LINGO2: variants seen among roughly 807,000 people sequenced by gnomAD.
The protein encoded by LINGO2 is leucine-rich repeat and immunoglobulin-like domain-containing nogo receptor-interacting protein 2.
Under a neutral mutation model 30.6 loss-of-function variants are expected in LINGO2, and 14 were observed. The ratio of observed to expected loss-of-function variants is 0.46; its 90% CI spans 0.30 to 0.72. The LOEUF (loss-of-function observed/expected upper bound fraction) is 0.72. Ranked by LOEUF, LINGO2 falls within the 30% of genes least tolerant of loss-of-function variation. The pLI, the probability that LINGO2 is intolerant of heterozygous loss-of-function variation, is 0.07. For missense variants in LINGO2, 729 were observed against 751.7 expected (o/e 0.97, Z 0.35); for synonymous variants, 317 against 288.5 (o/e 1.10, Z -1.00).
intron 5 of LINGO2, among the ~76,000 whole-genome samples, chr9:27,970,541 C>CAG (rs1431093233): frequency 6.6e-6 from 1 of 152,112 alleles, no homozygotes; most frequent in Non-Finnish European, 1.5e-5. Context: ...AAGACTGTTA[C>CAG]AGTAAGGGGT....
chr9:28,058,587 A>T (rs1825036133), intron 4 of LINGO2, among the ~76,000 whole-genome samples: 1 of 152,194 alleles, frequency 6.6e-6, no homozygotes, highest in South Asian at 2.1e-4. Flanking sequence ...CAGTTTGAAG[A>T]TAAAGCAAAA....
intron 4 of LINGO2, among the ~76,000 whole-genome samples, chr9:28,085,193 T>C (rs1438920801): frequency 6.6e-6 from 1 of 152,114 alleles, no homozygotes; most frequent in Non-Finnish European, 1.5e-5. Context: ...TTAGACTATA[T>C]TCTACAATGT....
intron 4 of LINGO2, among the ~76,000 whole-genome samples, chr9:28,146,239 T>G (rs1386169238): frequency 6.6e-6 from 1 of 152,178 alleles, no homozygotes; most frequent in Non-Finnish European, 1.5e-5. Context: ...GCTTGAATAG[T>G]CAACTGAGTT....
At chr9:28,609,882 T>C (rs549546133) in intron 1 of LINGO2, among the ~76,000 whole-genome samples, 27 of 152,290 alleles carry the variant, frequency 1.8e-4, no homozygotes, top group African/African-American at 6.5e-4. Context: ...AAGCAAAATA[T>C]GTCTGCATAA....
chr9:28,683,435 T>G, the LINGO2 span, among the ~76,000 whole-genome samples: 1 of 152,122 alleles, frequency 6.6e-6, no homozygotes, highest in Non-Finnish European at 1.5e-5. Flanking sequence ...TTTTCACAAT[T>G]TGGCACAAAT....
chr9:28,290,528 A>G (rs1249624933), intron 4 of LINGO2, among the ~76,000 whole-genome samples: 1 of 152,204 alleles, frequency 6.6e-6, no homozygotes, highest in Non-Finnish European at 1.5e-5. Flanking sequence ...AATATCGCCA[A>G]GGAAGAAGGC....
At chr9:28,305,445 T>C (rs1197502600) in intron 3 of LINGO2, among the ~76,000 whole-genome samples, 2 of 152,034 alleles carry the variant, frequency 1.3e-5, no homozygotes, top group Non-Finnish European at 2.9e-5. Context: ...TTGCAGATGA[T>C]TGTCTAAGTA....
the LINGO2 span, among the ~76,000 whole-genome samples, chr9:28,908,170 CACAT>C: frequency 6.6e-6 from 1 of 151,514 alleles, no homozygotes. Context: ...CACACACACA[CACAT>C]ACAAAACTTC....
At chr9:28,061,734 C>G (rs1434525729) in intron 4 of LINGO2, among the ~76,000 whole-genome samples, 1 of 151,936 alleles carries the variant, frequency 6.6e-6, no homozygotes, top group African/African-American at 2.4e-5. Context: ...CCTGAAAGCA[C>G]AATCAAAGAA....
At chr9:28,034,582 G>T (rs928327683) in intron 4 of LINGO2, among the ~76,000 whole-genome samples, 8 of 152,100 alleles carry the variant, frequency 5.3e-5, no homozygotes, top group African/African-American at 1.9e-4. Flanking sequence ...AGTCAGCCTA[G>T]AAAACGAGGA....
intron 1 of LINGO2, among the ~76,000 whole-genome samples, chr9:28,663,089 A>G (rs911687745): frequency 1.3e-5 from 2 of 152,050 alleles, no homozygotes; most frequent in African/African-American, 4.8e-5. Context: ...GACCAAAAAA[A>G]GTCATCTAAA....
the LINGO2 span, among the ~76,000 whole-genome samples, chr9:28,992,601 C>T: frequency 7.2e-5 from 11 of 152,076 alleles, no homozygotes; most frequent in South Asian, 6.3e-4. Context: ...CAAAACTGAC[C>T]GCATAGTTGG....
chr9:28,428,394 C>T (rs999781886), intron 2 of LINGO2, among the ~76,000 whole-genome samples: 1 of 152,130 alleles, frequency 6.6e-6, no homozygotes, highest in African/African-American at 2.4e-5. Context: ...GAAGCAGAAT[C>T]ACTGCTTCTC....
the LINGO2 span, among the ~76,000 whole-genome samples, chr9:28,769,246 C>A: frequency 6.6e-6 from 1 of 150,950 alleles, no homozygotes; most frequent in Non-Finnish European, 1.5e-5. Context: ...AACATCACTC[C>A]TTATCTGTAT....
chr9:28,797,329 CATATATATAT>C, the LINGO2 span, among the ~76,000 whole-genome samples: 431 of 65,936 alleles, frequency 6.5e-3, 8 homozygotes, highest in Middle Eastern at 0.014. Flanking sequence ...ATCATATATA[CATATATATAT>C]ATATATATAT....
At chr9:28,176,256 G>T (rs1045380605) in intron 4 of LINGO2, among the ~76,000 whole-genome samples, 3 of 152,002 alleles carry the variant, frequency 2.0e-5, no homozygotes, top group African/African-American at 7.2e-5. Flanking sequence ...TTCTTACGTA[G>T]AATCTTTTCT....
chr9:28,225,548 T>G (rs1015213582), intron 4 of LINGO2, among the ~76,000 whole-genome samples: 3 of 152,018 alleles, frequency 2.0e-5, no homozygotes, highest in Non-Finnish European at 4.4e-5. Flanking sequence ...AAAATTAAAA[T>G]TTCTTAATGA....
chr9:28,880,222 G>C, the LINGO2 span, among the ~76,000 whole-genome samples: 3 of 152,174 alleles, frequency 2.0e-5, no homozygotes, highest in South Asian at 4.1e-4. Context: ...AAAAGAAAGA[G>C]AGATCTGACT....
chr9:28,596,111 T>C (rs1030941574), intron 1 of LINGO2, among the ~76,000 whole-genome samples: 1 of 152,200 alleles, frequency 6.6e-6, no homozygotes, highest in African/African-American at 2.4e-5. Context: ...AATGATAGCA[T>C]ATACTTGAGA....
Sources: gnomAD v4.1 joint callset for allele counts (sites outside exome capture counted in the v4.1 genomes callset) on GRCh38, gnomAD v4.1.1 for gene constraint, MANE v1.5 for transcripts, NCBI Gene and HGNC (gene_info 2026-07-23, HGNC 2026-07-21) for gene names.